The following PKHD1L1 variants were observed in gnomAD, a reference collection of about 807,000 sequenced individuals.
The protein encoded by PKHD1L1 is PKHD1 like 1, also known as fibrocystin-L.
In PKHD1L1, 434 loss-of-function variants were observed where a neutral mutation model predicts 462.9. The observed-to-expected ratio is 0.94, with a 90% CI of 0.87 to 1.02. PKHD1L1 has a LOEUF of 1.02. Among genes scored for constraint, PKHD1L1 ranks in the 50% least tolerant of loss-of-function variants. The pLI, the probability that PKHD1L1 is intolerant of heterozygous loss-of-function variation, is 0.00. For synonymous variants in PKHD1L1, 1,781 were observed against 1,750.0 expected (o/e 1.02, Z -0.44); for missense variants, 5,202 against 5,096.1 (o/e 1.02, Z -0.63).
At chr8:109,445,716 G>A (rs1816100298) in intron 38 of PKHD1L1, 71 bp downstream of exon 38, 2 of 1,383,334 alleles carry the variant, frequency 1.4e-6, no homozygotes, top group African/African-American at 2.9e-5. Flanking sequence ...GAATTGGAAT[G>A]ATATTTGTAA....
intron 45 of PKHD1L1, among the ~76,000 whole-genome samples, chr8:109,455,057 G>T (rs943014251): frequency 2.0e-5 from 3 of 152,164 alleles, no homozygotes; most frequent in South Asian, 2.1e-4. Context: ...TCAGAACCAG[G>T]CCAGGTGCGG....
intron 50 of PKHD1L1, among the ~76,000 whole-genome samples, chr8:109,468,069 A>G (rs1817543344): frequency 6.6e-6 from 1 of 152,118 alleles, no homozygotes. Context: ...TACAAAGTAG[A>G]GACTTGCCAT....
At chr8:109,387,910 A>G (rs932691406) in intron 6 of PKHD1L1, among the ~76,000 whole-genome samples, 1 of 152,160 alleles carries the variant, frequency 6.6e-6, no homozygotes, top group African/African-American at 2.4e-5. Flanking sequence ...ATCAGGTACT[A>G]TCAGCTTCCA....
intron 71 of PKHD1L1, among the ~76,000 whole-genome samples, chr8:109,511,784 G>T (rs1290896083): frequency 1.2e-3 from 187 of 152,164 alleles, no homozygotes; most frequent in African/African-American, 4.2e-3. Flanking sequence ...ACTTCCACAG[G>T]GGTTGAACTA....
At chr8:109,388,837 T>C (rs1369814693) in intron 7 of PKHD1L1, among the ~76,000 whole-genome samples, 1 of 152,166 alleles carries the variant, frequency 6.6e-6, no homozygotes, top group Non-Finnish European at 1.5e-5. Flanking sequence ...TCAAAGTCTT[T>C]TAAAGGAATA....
Position 109,491,067 on chromosome 8 carries a change from A to G in PKHD1L1, c.10080A>G (p.Ile3360Met). The stretch of plus-strand genomic sequence containing the variant: ...TATTTGGGACAGATGGATTGGACAT[A>G]GATGACAACATCATTCACTTTACAG... The part of the protein sequence containing the change: ...IGVFGTDGLD[I>M]DDNIIHFTVG... The change falls in exon 61 of 78, where the codon ATA becomes ATG. Residue 3360 changes from isoleucine (I) to methionine (M), a missense_variant. Physicochemically the swap from Ile to Met is conservative, Grantham distance 10 (BLOSUM62 1). This residue lies in a region of PKHD1L1 where 4,497 missense variants were observed against 4,336.8 expected (regional missense o/e 1.04). Coordinates refer to ENST00000378402, the MANE Select transcript of PKHD1L1 (RefSeq NM_177531.6). The G allele has an allele frequency of 6.2e-7, 1 of 1,609,686 alleles. No homozygotes were observed. The highest frequency in any genetic ancestry group is 8.5e-7 in the Non-Finnish European group (1 of 1,176,840).
At chr8:109,475,379 T>C (rs1210796787) in intron 51 of PKHD1L1, 110 bp downstream of exon 51, 3 of 920,106 alleles carry the variant, frequency 3.3e-6, no homozygotes, top group African/African-American at 1.7e-5. Flanking sequence ...TCATCACAAA[T>C]TGAGCTATTG....
intron 32 of PKHD1L1, among the ~76,000 whole-genome samples, chr8:109,440,196 A>G (rs1277441037): frequency 6.6e-6 from 1 of 152,122 alleles, no homozygotes; most frequent in Non-Finnish European, 1.5e-5. Flanking sequence ...CAGATGCATT[A>G]TAACCAAGCA....
In PKHD1L1 at chr8:109,464,470, A is replaced by G. The variant is rs2130830172; in HGVS notation, c.7638A>G (p.Val2546=). 1 of 1,613,762 alleles carries G rather than the reference A, an allele frequency of 6.2e-7. No homozygotes were observed. ...TCCAGTATAACTTGGCAGTATTTGT[A>G]CAGCAAAGTACCAGTCTTCTGAATG... is the stretch of plus-strand genomic sequence containing the variant. ...NILQYNLAVF[V]QQSTSLLNDD... The change falls in exon 49 of 78, where the codon GTA becomes GTG. Residue 2546 remains valine, a synonymous_variant. Transcript: ENST00000378402.
Position 109,438,860 on chromosome 8 carries a change from A to T in PKHD1L1, c.3761-37A>T, listed in dbSNP as rs1000394532. Reference sequence around the variant, plus strand: ...AAATTTCACACTGGATAACAAGTTGAACTTTTTGCATTATTTTTTAAATTT... The same window carrying T: ...AAATTTCACACTGGATAACAAGTTGTACTTTTTGCATTATTTTTTAAATTT... On this transcript the variant is annotated intron_variant, in intron 31 of 77. Coordinates refer to ENST00000378402, the MANE Select transcript of PKHD1L1 (RefSeq NM_177531.6). 3 of 1,438,136 alleles carry T rather than the reference A, an allele frequency of 2.1e-6. No individual in the cohort carries two copies. In the African/African-American group the frequency reaches 4.3e-5, roughly 21 times the overall value. The allele number at this position is 1,438,136 out of a possible 1,614,324, so 89.1% of individuals were successfully genotyped here. A position where few individuals can be genotyped will look rare whatever the true frequency, so the allele number is the denominator to read the frequency against.
At chr8:109,401,108 C>A (rs989956275) in intron 13 of PKHD1L1, among the ~76,000 whole-genome samples, 1 of 152,166 alleles carries the variant, frequency 6.6e-6, no homozygotes, top group African/African-American at 2.4e-5. Context: ...ATTTAGCAAT[C>A]TTTGGCAATC....
In PKHD1L1 at chr8:109,444,815, A is replaced by G. The variant is rs779804341; in HGVS notation, c.4946A>G (p.Asn1649Ser). 45 of 1,614,012 alleles carry G rather than the reference A, an allele frequency of 2.8e-5. No individual in the cohort carries two copies. Among genetic ancestry groups the G allele is most frequent in the Admixed American group, 2.7e-4 (16 of 60,020 alleles). ...NLGTAINTLSNEFDRRFVLLP... is the reference protein window; with the variant it reads ...NLGTAINTLSSEFDRRFVLLP... ...GGCACTGCTATCAATACGTTGTCCAATGAATTTGATAGGCGATTTGTACTT... is the reference window on the plus strand; with the variant it reads ...GGCACTGCTATCAATACGTTGTCCAGTGAATTTGATAGGCGATTTGTACTT... Residue 1649 changes from asparagine to serine, a missense_variant, in exon 38 of 78, where the codon AAT becomes AGT. Transcript: ENST00000378402.
chr8:109,461,698 T>C lies in PKHD1L1; in HGVS notation c.7247-74T>C, dbSNP rs561614275. 4 of 1,455,330 alleles carry C rather than the reference T, an allele frequency of 2.7e-6. No homozygotes were observed. The South Asian group carries it at 5.3e-5, about 19-fold the overall frequency. The allele number at this position is 1,455,330 out of a possible 1,614,324, so 90.2% of individuals were successfully genotyped here. A position where few individuals can be genotyped will look rare whatever the true frequency, so the allele number is the denominator to read the frequency against. On this transcript the variant is annotated intron_variant, in intron 47 of 77. Transcript: ENST00000378402. ...TCATATGTGAATCAAATGATACACT[T>C]AGTTATGAGAAAATCTTCAATATAA...
chr8:109,449,514 G>C (rs756571528), intron 40 of PKHD1L1, 27 bp downstream of exon 40: 74 of 1,540,890 alleles, frequency 4.8e-5, no homozygotes, highest in Non-Finnish European at 5.9e-5. Flanking sequence ...AGTAATGGCA[G>C]TCTTTGAGAA....
intron 40 of PKHD1L1, among the ~76,000 whole-genome samples, chr8:109,450,230 A>G (rs1361220417): frequency 6.6e-6 from 1 of 152,148 alleles, no homozygotes; most frequent in Non-Finnish European, 1.5e-5. Flanking sequence ...GGTACTTTGG[A>G]CAACAAAACT....
At position 109,518,370 on chromosome 8, in the gene PKHD1L1, T is replaced by A; in HGVS notation, c.11893T>A (p.Phe3965Ile). Reference sequence around the variant, plus strand: ...CAATCTGGTTAAAAATCTTGCCTTGTTCCTAAAGATACCAAGTGACAAAAT... The same window carrying A: ...CAATCTGGTTAAAAATCTTGCCTTGATCCTAAAGATACCAAGTGACAAAAT... ...SHNLVKNLAL[F>I]LKIPSDKIRI... Residue 3965 changes from phenylalanine to isoleucine, a missense_variant, in exon 73 of 78, where the codon TTC becomes ATC. Around this residue, in one of 3 missense-constraint regions of PKHD1L1, gnomAD observed 698 missense variants for 736.3 expected, o/e 0.95. Transcript: ENST00000378402. The A allele has an allele frequency of 6.2e-7, 1 of 1,613,390 alleles. No homozygotes were observed. Among genetic ancestry groups the A allele is most frequent in the Non-Finnish European group, 8.5e-7 (1 of 1,179,556 alleles).
intron 28 of PKHD1L1, among the ~76,000 whole-genome samples, chr8:109,433,612 C>T (rs368101395): frequency 6.6e-6 from 1 of 152,154 alleles, no homozygotes; most frequent in African/African-American, 2.4e-5. Flanking sequence ...CTGGCCATCT[C>T]CTGACTTCCA....
At chr8:109,480,319 A>G (rs1226353079) in intron 55 of PKHD1L1, among the ~76,000 whole-genome samples, 180 bp downstream of exon 55, 2 of 152,038 alleles carry the variant, frequency 1.3e-5, no homozygotes, top group East Asian at 1.9e-4. Flanking sequence ...TAAATTATGG[A>G]CTAAACATTT....
intron 29 of PKHD1L1, 104 bp downstream of exon 29, chr8:109,435,458 C>T (rs1390574038): frequency 3.2e-6 from 4 of 1,237,154 alleles, no homozygotes; most frequent in East Asian, 2.4e-5. Flanking sequence ...AAAGCTTCCT[C>T]TTATAGAACA....
Sources: allele counts gnomAD v4.1 joint callset (sites outside exome capture counted in the v4.1 genomes callset), GRCh38; gene constraint gnomAD v4.1.1; regional missense constraint gnomAD v4.1.1; transcripts MANE v1.5; gene names NCBI Gene and HGNC (gene_info 2026-07-23, HGNC 2026-07-21).